HCN1: variants seen among roughly 807,000 people sequenced by gnomAD.
HCN1 encodes potassium/sodium hyperpolarization-activated cyclic nucleotide-gated channel 1.
In HCN1, 13 loss-of-function variants were observed where a neutral mutation model predicts 78.9. The ratio of observed to expected loss-of-function variants is 0.16; its 90% CI spans 0.11 to 0.26. HCN1 has a LOEUF of 0.26. Ranked by LOEUF, HCN1 falls within the 10% of genes least tolerant of loss-of-function variation. HCN1 has a pLI of 1.00. For synonymous variants in HCN1, 552 were observed against 455.5 expected, an observed-to-expected ratio of 1.21 and a Z score of -2.70; for missense variants, 810 against 1,154.3, an observed-to-expected ratio of 0.70 and a Z score of 4.32.
At chr5:45,657,821 T>C (rs1745805271) in intron 1 of HCN1, among the ~76,000 whole-genome samples, 1 of 152,194 alleles carries the variant, frequency 6.6e-6, no homozygotes, top group South Asian at 2.1e-4. Flanking sequence ...CTGCCCAAGG[T>C]AATTTATAGA....
chr5:45,372,695 AT>A, intron 4 of HCN1, among the ~76,000 whole-genome samples: 1 of 142,746 alleles, frequency 7.0e-6, no homozygotes, highest in African/African-American at 2.5e-5. Context: ...ATATATAAAA[AT>A]ATATACGTAT....
intron 4 of HCN1, among the ~76,000 whole-genome samples, chr5:45,357,660 G>A (rs377465517): frequency 2.0e-5 from 3 of 151,974 alleles, no homozygotes; most frequent in Non-Finnish European, 2.9e-5. Flanking sequence ...TCTAGATTTA[G>A]TTTCAGTAAT....
intron 2 of HCN1, among the ~76,000 whole-genome samples, chr5:45,492,566 G>T (rs1741911153): frequency 7.0e-6 from 1 of 142,998 alleles, no homozygotes; most frequent in Admixed American, 7.3e-5. Flanking sequence ...TGTCGCCCAG[G>T]CTGGCACTCA....
chr5:45,283,389 A>T (rs1014340087), intron 6 of HCN1, among the ~76,000 whole-genome samples: 2 of 152,126 alleles, frequency 1.3e-5, no homozygotes, highest in African/African-American at 4.8e-5. Context: ...TTTGCAAACT[A>T]TGTAGCTGAT....
chr5:45,413,318 G>A (rs1579877619), intron 3 of HCN1, among the ~76,000 whole-genome samples: 1 of 152,028 alleles, frequency 6.6e-6, no homozygotes, highest in Non-Finnish European at 1.5e-5. Flanking sequence ...TATTTTTTAT[G>A]ATTTACCTGA....
intron 2 of HCN1, among the ~76,000 whole-genome samples, chr5:45,561,739 T>C (rs914580607): frequency 6.6e-6 from 1 of 152,260 alleles, no homozygotes; most frequent in Admixed American, 6.5e-5. Context: ...AAATTGGGGC[T>C]TTGAGTTAGC....
intron 3 of HCN1, among the ~76,000 whole-genome samples, chr5:45,440,711 G>A (rs1300503718): frequency 6.6e-6 from 1 of 152,158 alleles, no homozygotes; most frequent in Non-Finnish European, 1.5e-5. Flanking sequence ...TACTTGTTGT[G>A]TACTGACTTA....
intron 2 of HCN1, among the ~76,000 whole-genome samples, chr5:45,543,809 G>C (rs1743151451): frequency 6.6e-6 from 1 of 151,980 alleles, no homozygotes; most frequent in African/African-American, 2.4e-5. Context: ...TCCAGCCAGG[G>C]CTTAAGTTAT....
chr5:45,461,585 A>C (rs570223766), intron 3 of HCN1, among the ~76,000 whole-genome samples: 1 of 152,266 alleles, frequency 6.6e-6, no homozygotes, highest in East Asian at 1.9e-4. Flanking sequence ...CTTTGAAATA[A>C]GATATGCCTC....
At chr5:45,563,966 G>A (rs1034741241) in intron 2 of HCN1, among the ~76,000 whole-genome samples, 14 of 152,220 alleles carry the variant, frequency 9.2e-5, no homozygotes, top group African/African-American at 3.1e-4. Context: ...ATAGGTTAGA[G>A]CAACATTGTA....
intron 4 of HCN1, among the ~76,000 whole-genome samples, chr5:45,374,437 A>G (rs1747553175): frequency 6.7e-6 from 1 of 148,572 alleles, no homozygotes; most frequent in African/African-American, 2.5e-5. Flanking sequence ...ACAACCTCCC[A>G]AGACTGAATC....
At chr5:45,678,458 T>C (rs1009432274) in intron 1 of HCN1, among the ~76,000 whole-genome samples, 2 of 151,966 alleles carry the variant, frequency 1.3e-5, no homozygotes, top group African/African-American at 4.8e-5. Context: ...ATTTATATAG[T>C]GGTAGATTGC....
intron 5 of HCN1, among the ~76,000 whole-genome samples, chr5:45,328,169 A>G (rs1330874649): frequency 6.6e-6 from 1 of 151,664 alleles, no homozygotes; most frequent in African/African-American, 2.4e-5. Context: ...TTCCACACAC[A>G]AATTGAATGC....
intron 2 of HCN1, among the ~76,000 whole-genome samples, chr5:45,540,535 G>T (rs1743082418): frequency 6.6e-6 from 1 of 151,920 alleles, no homozygotes; most frequent in Non-Finnish European, 1.5e-5. Context: ...TTGCCGTGTT[G>T]CCCAGGCTGG....
In HCN1 at chr5:45,267,659, T is replaced by C. The variant is rs567851886; in HGVS notation, c.1619-406A>G. ...GGCAGGCGCCTGTAGTCCCAGCTAC[T>C]CGGGAGGCTGAGGCAGGAGAATCAC... On this transcript the variant is annotated intron_variant, in intron 6 of 7. Coordinates refer to ENST00000303230, the MANE Select transcript of HCN1 (RefSeq NM_021072.4). Among the ~76,000 whole-genome samples, 3 of 152,026 alleles carry C rather than the reference T, an allele frequency of 2.0e-5. No individual in the cohort carries two copies. The South Asian group carries it at 6.2e-4, about 32-fold the overall frequency.
intron 4 of HCN1, among the ~76,000 whole-genome samples, chr5:45,360,805 A>C (rs1261040643): frequency 6.6e-6 from 1 of 152,148 alleles, no homozygotes; most frequent in Non-Finnish European, 1.5e-5. Context: ...AAATGAGGGA[A>C]AGCAGATGGT....
chr5:45,659,999 T>C (rs972100173), intron 1 of HCN1, among the ~76,000 whole-genome samples: 11 of 141,876 alleles, frequency 7.8e-5, no homozygotes, highest in Non-Finnish European at 7.5e-5. Flanking sequence ...AGACACATAA[T>C]TGTCAGATTC....
At chr5:45,483,902 G>A (rs1741706923) in intron 2 of HCN1, among the ~76,000 whole-genome samples, 1 of 151,956 alleles carries the variant, frequency 6.6e-6, no homozygotes, top group Non-Finnish European at 1.5e-5. Context: ...TATTTTTGTT[G>A]GCCTTGTTGA....
chr5:45,614,210 G>A (rs16902188), intron 2 of HCN1, among the ~76,000 whole-genome samples: 8,434 of 152,030 alleles, frequency 0.055, 303 homozygotes, highest in East Asian at 0.15. Flanking sequence ...CTTATCTTGC[G>A]GATCAGAAGT....
Sources: allele counts gnomAD v4.1 joint callset (sites outside exome capture counted in the v4.1 genomes callset), GRCh38; gene constraint gnomAD v4.1.1; transcripts MANE v1.5; gene names NCBI Gene and HGNC (gene_info 2026-07-23, HGNC 2026-07-21).